CTIF: variants seen among roughly 807,000 people sequenced by gnomAD.
The protein encoded by CTIF is cap binding complex dependent translation initiation factor, also known as CBP80/20-dependent translation initiation factor.
In CTIF, 21 loss-of-function variants were observed where a neutral mutation model predicts 66.0. The ratio of observed to expected loss-of-function variants is 0.32; its 90% CI spans 0.23 to 0.46. The LOEUF is 0.46. Among genes scored for constraint, CTIF ranks in the 20% least tolerant of loss-of-function variants. The probability of loss-of-function intolerance (pLI) is 1.00; values close to 1 mark genes in which losing one functional copy is unlikely to be tolerated. For missense variants in CTIF, 739 were observed against 812.7 expected (o/e 0.91, Z 1.10); for synonymous variants, 345 against 326.4 (o/e 1.06, Z -0.62).
At chr18:48,597,130 G>T (rs1407759835) in intron 1 of CTIF, among the ~76,000 whole-genome samples, 4 of 152,242 alleles carry the variant, frequency 2.6e-5, no homozygotes, top group African/African-American at 9.6e-5. Context: ...AGTGAACGAA[G>T]AAGTGTAACA....
chr18:48,543,776 C>T (rs1036108381), intron 1 of CTIF, among the ~76,000 whole-genome samples: 2 of 152,264 alleles, frequency 1.3e-5, no homozygotes, highest in African/African-American at 2.4e-5. Context: ...TTCTATGTAC[C>T]GTAATGCTTT....
At chr18:48,814,424 G>T (rs1040788430) in intron 9 of CTIF, among the ~76,000 whole-genome samples, 1 of 152,190 alleles carries the variant, frequency 6.6e-6, no homozygotes. Context: ...TGACTCCAAT[G>T]TACAACCAGG....
chr18:48,570,120 T>G (rs1224673210), intron 1 of CTIF, among the ~76,000 whole-genome samples: 2 of 152,054 alleles, frequency 1.3e-5, no homozygotes, highest in Admixed American at 6.6e-5. Flanking sequence ...AGAGCAGAGA[T>G]CCAAACCCCT....
chr18:48,706,955 C>T (rs2092164561), intron 6 of CTIF, among the ~76,000 whole-genome samples: 1 of 152,168 alleles, frequency 6.6e-6, no homozygotes, highest in Admixed American at 6.5e-5. Context: ...TCTCAGAGCT[C>T]AGGGGAGAAT....
At chr18:48,605,651 T>G (rs533696268) in intron 1 of CTIF, among the ~76,000 whole-genome samples, 114 of 152,350 alleles carry the variant, frequency 7.5e-4, no homozygotes, top group African/African-American at 2.5e-3. Flanking sequence ...CCCTGTGGGC[T>G]CTCTGCTGCA....
intron 9 of CTIF, among the ~76,000 whole-genome samples, chr18:48,768,142 C>T (rs1909752295): frequency 6.6e-6 from 1 of 152,168 alleles, no homozygotes; most frequent in South Asian, 2.1e-4. Flanking sequence ...TCTTGTGATT[C>T]TCTCAAGGTC....
intron 7 of CTIF, among the ~76,000 whole-genome samples, chr18:48,718,510 A>G (rs2092302557): frequency 6.6e-6 from 1 of 152,186 alleles, no homozygotes; most frequent in Non-Finnish European, 1.5e-5. Context: ...CGTGACCGTA[A>G]GCATACCATG....
chr18:48,544,082 C>G (rs114402916), intron 1 of CTIF, among the ~76,000 whole-genome samples: 1 of 152,174 alleles, frequency 6.6e-6, no homozygotes, highest in African/African-American at 2.4e-5. Flanking sequence ...TGCGTGTGTA[C>G]TTTTCTAGGA....
chr18:48,630,570 A>T (rs1021982552), intron 2 of CTIF, among the ~76,000 whole-genome samples: 1 of 151,658 alleles, frequency 6.6e-6, no homozygotes, highest in Non-Finnish European at 1.5e-5. Flanking sequence ...TGAGGTTCCC[A>T]TTTGTACATT....
intron 6 of CTIF, among the ~76,000 whole-genome samples, chr18:48,687,963 C>A (rs185059285): frequency 1.3e-5 from 2 of 152,372 alleles, no homozygotes; most frequent in Non-Finnish European, 2.9e-5. Context: ...ACAATCCACG[C>A]ATTCTGCAGT....
chr18:48,604,299 C>T (rs1452849498), intron 1 of CTIF, among the ~76,000 whole-genome samples: 1 of 150,138 alleles, frequency 6.7e-6, no homozygotes, highest in Admixed American at 6.6e-5. Context: ...GCCTCAGCCT[C>T]CCGATTAGCT....
intron 1 of CTIF, among the ~76,000 whole-genome samples, chr18:48,581,803 G>T (rs901271927): frequency 6.6e-6 from 1 of 152,210 alleles, no homozygotes. Flanking sequence ...AGCAAGGCAG[G>T]GAGGGACAGC....
intron 1 of CTIF, chr18:48,540,141 T>C (rs2088571561): frequency 1.3e-5 from 2 of 152,022 alleles, no homozygotes; most frequent in Admixed American, 6.5e-5. Flanking sequence ...GTCTCCCCTT[T>C]GGTTATTCCC....
intron 1 of CTIF, among the ~76,000 whole-genome samples, chr18:48,604,959 A>C (rs2090175907): frequency 1.3e-5 from 2 of 152,206 alleles, no homozygotes; most frequent in Non-Finnish European, 2.9e-5. Flanking sequence ...TCAGTACTTT[A>C]TTCCTTCTAA....
At chr18:48,612,041 G>A (rs1307563732) in intron 1 of CTIF, among the ~76,000 whole-genome samples, 1 of 152,178 alleles carries the variant, frequency 6.6e-6, no homozygotes, top group Non-Finnish European at 1.5e-5. Context: ...ACATGCCTTC[G>A]ACTTCATGCA....
intron 6 of CTIF, among the ~76,000 whole-genome samples, chr18:48,691,585 C>A (rs1201669146): frequency 6.6e-6 from 1 of 152,174 alleles, no homozygotes; most frequent in Non-Finnish European, 1.5e-5. Context: ...TTCCTTCTTC[C>A]TTTCTCTAGC....
Position 48,582,962 on chromosome 18 carries a change from A to G in CTIF, c.-28-36576A>G, listed in dbSNP as rs150594383. Among the ~76,000 whole-genome samples the G allele has an allele frequency of 1.2e-3, 188 of 152,352 alleles. 2 individuals are homozygous for G. The Middle Eastern group carries it at 0.014, about 11-fold the overall frequency. On this transcript the variant is annotated intron_variant, in intron 1 of 11. Coordinates refer to ENST00000256413, the MANE Select transcript of CTIF (RefSeq NM_014772.3). ...AGGCCAGCACTGCAGAATCGCTTTC[A>G]TCATGCCATTTAGAAATGGGCAGCT...
At chr18:48,756,488 T>C (rs1455225170) in intron 7 of CTIF, among the ~76,000 whole-genome samples, 1 of 152,248 alleles carries the variant, frequency 6.6e-6, no homozygotes, top group African/African-American at 2.4e-5. Context: ...AATTTGTTCA[T>C]AACATGCAAT....
intron 2 of CTIF, among the ~76,000 whole-genome samples, chr18:48,624,170 C>T (rs1374834496): frequency 1.4e-5 from 2 of 143,802 alleles, no homozygotes; most frequent in African/African-American, 2.6e-5. Flanking sequence ...GCCCCTCCCC[C>T]GTATTTTACA....
Sources: allele counts gnomAD v4.1 joint callset (sites outside exome capture counted in the v4.1 genomes callset), GRCh38; gene constraint gnomAD v4.1.1; transcripts MANE v1.5; gene names NCBI Gene and HGNC (gene_info 2026-07-23, HGNC 2026-07-21).